DPF3: variants seen among roughly 807,000 people sequenced by gnomAD.
The protein encoded by DPF3 is zinc finger protein DPF3.
In DPF3, 18 loss-of-function variants were observed where a neutral mutation model predicts 56.8. The ratio of observed to expected loss-of-function variants is 0.32; its 90% CI spans 0.22 to 0.47. The LOEUF (loss-of-function observed/expected upper bound fraction) is 0.47, where lower values mean the gene tolerates loss of function less well. DPF3 is among the 20% of genes least tolerant of loss of function. The pLI is 1.00. For missense variants in DPF3, 403 were observed against 488.8 expected, an observed-to-expected ratio of 0.82 and a Z score of 1.65; for synonymous variants, 188 against 180.2, an observed-to-expected ratio of 1.04 and a Z score of -0.35.
At chr14:72,861,035 AC>A (rs1885380383) in intron 1 of DPF3, among the ~76,000 whole-genome samples, 1 of 7,918 alleles carries the variant, frequency 1.3e-4, no homozygotes, top group African/African-American at 9.1e-4. Flanking sequence ...ATACACACAC[AC>A]ACACACACAC....
chr14:72,881,586 A>T (rs1422008895), intron 1 of DPF3, among the ~76,000 whole-genome samples: 1 of 152,242 alleles, frequency 6.6e-6, no homozygotes, highest in Non-Finnish European at 1.5e-5. Context: ...GTGATTCAGG[A>T]AGAACAAATG....
chr14:72,633,934 G>C (rs151017472), intron 8 of DPF3, among the ~76,000 whole-genome samples: 1 of 152,342 alleles, frequency 6.6e-6, no homozygotes, highest in East Asian at 1.9e-4. Flanking sequence ...ATGGTAGCAA[G>C]TGGGTTTTGG....
chr14:72,767,771 AAAAAAAAAC>A (rs1247250021), intron 2 of DPF3, among the ~76,000 whole-genome samples: 2 of 150,376 alleles, frequency 1.3e-5, no homozygotes, highest in East Asian at 1.9e-4. Flanking sequence ...AAAAAAAAAA[AAAAAAAAAC>A]CCCATAAACC....
At chr14:72,743,625 AAAAG>A (rs1438181090) in intron 3 of DPF3, among the ~76,000 whole-genome samples, 6 of 151,966 alleles carry the variant, frequency 3.9e-5, no homozygotes, top group African/African-American at 1.2e-4. Context: ...AAGGAAAAGA[AAAAG>A]AAAGAAAGTG....
At chr14:72,704,505 C>T (rs575882961) in intron 6 of DPF3, among the ~76,000 whole-genome samples, 2 of 152,232 alleles carry the variant, frequency 1.3e-5, no homozygotes, top group East Asian at 3.9e-4. Context: ...GAGTTCCAGG[C>T]TATCCAGTGT....
rs1447058652 is a variant in DPF3, at chr14:72,610,175, T to C, written c.*9122A>G. ...TGGAAGAAGCAATCCCAGGTTTGCT[T>C]CGTATCTGCAGGTCTAGAGACATCA... On this transcript the variant is annotated 3_prime_UTR_variant, in exon 11 of 11. Transcript: ENST00000556509. 6.6e-6 allele frequency among the ~76,000 whole-genome samples: 1 copy of C among 152,162 alleles called. No individual in the cohort carries two copies. The highest frequency in any genetic ancestry group is 1.5e-5 in the Non-Finnish European group (1 of 68,020).
chr14:72,877,520 T>C (rs1947008707), intron 1 of DPF3, among the ~76,000 whole-genome samples: 1 of 152,162 alleles, frequency 6.6e-6, no homozygotes, highest in Admixed American at 6.5e-5. Flanking sequence ...ACTGATAGTA[T>C]TGGGTCCTCT....
chr14:72,840,258 T>C (rs12882355), intron 1 of DPF3, among the ~76,000 whole-genome samples: 27,308 of 152,196 alleles, frequency 0.18, 3,007 homozygotes, highest in East Asian at 0.41. Context: ...AACTGACCCA[T>C]GTGGGGCTCA....
intron 9 of DPF3, among the ~76,000 whole-genome samples, chr14:72,621,347 T>C (rs1274805539): frequency 3.3e-5 from 5 of 150,846 alleles, no homozygotes; most frequent in African/African-American, 9.9e-5. Flanking sequence ...CCCCACCCCC[T>C]AGTTTCAGCT....
intron 1 of DPF3, among the ~76,000 whole-genome samples, chr14:72,817,489 C>T (rs1883340193): frequency 6.6e-6 from 1 of 151,990 alleles, no homozygotes; most frequent in Non-Finnish European, 1.5e-5. Context: ...GGCAAAACCC[C>T]GTCTCAACTA....
chr14:72,738,893 CTT>C (rs1890012549), intron 3 of DPF3, among the ~76,000 whole-genome samples: 1 of 152,032 alleles, frequency 6.6e-6, no homozygotes, highest in Non-Finnish European at 1.5e-5. Flanking sequence ...ATATATATAA[CTT>C]TTATTTGTCA....
chr14:72,644,297 T>C (rs748900015), intron 8 of DPF3, among the ~76,000 whole-genome samples: 1 of 152,188 alleles, frequency 6.6e-6, no homozygotes, highest in Non-Finnish European at 1.5e-5. Context: ...CAGCACCGGG[T>C]CTGCACTCCT....
intron 6 of DPF3, among the ~76,000 whole-genome samples, chr14:72,708,060 AAC>A (rs1469127642): frequency 1.3e-5 from 2 of 152,190 alleles, no homozygotes; most frequent in African/African-American, 4.8e-5. Flanking sequence ...TGCATCAAGA[AAC>A]AGTTAGTGGA....
At chr14:72,840,841 T>C (rs1313694473) in intron 1 of DPF3, among the ~76,000 whole-genome samples, 1 of 152,212 alleles carries the variant, frequency 6.6e-6, no homozygotes, top group Admixed American at 6.5e-5. Context: ...GGTCCCAGGA[T>C]GTGAGGGTCA....
At chr14:72,869,502 GC>G (rs1481965241) in intron 1 of DPF3, among the ~76,000 whole-genome samples, 1 of 152,100 alleles carries the variant, frequency 6.6e-6, no homozygotes, top group Non-Finnish European at 1.5e-5. Context: ...CAAATGACAG[GC>G]CAGTGTGAGA....
At chr14:72,798,860 G>A (rs547375211) in intron 1 of DPF3, among the ~76,000 whole-genome samples, 1 of 152,232 alleles carries the variant, frequency 6.6e-6, no homozygotes, top group African/African-American at 2.4e-5. Context: ...GCAGAACCAG[G>A]TTGGAAGTTC....
At chr14:72,670,566 T>C (rs1886626010) in intron 8 of DPF3, 2 of 987,450 alleles carry the variant, frequency 2.0e-6, no homozygotes, top group African/African-American at 1.7e-5. Context: ...CCGTCTCCCA[T>C]TGAGGAAATT....
chr14:72,821,537 T>C (rs1470908711), intron 1 of DPF3, among the ~76,000 whole-genome samples: 2 of 152,228 alleles, frequency 1.3e-5, no homozygotes, highest in African/African-American at 2.4e-5. Context: ...CTATCGAATA[T>C]TGTCCATGGT....
At chr14:72,774,710 G>T (rs75669879) in intron 1 of DPF3, among the ~76,000 whole-genome samples, 1 of 152,022 alleles carries the variant, frequency 6.6e-6, no homozygotes, top group Non-Finnish European at 1.5e-5. Flanking sequence ...GGCATAATAC[G>T]CTCAGAAAGT....
Sources: gnomAD v4.1 joint callset for allele counts (sites outside exome capture counted in the v4.1 genomes callset) on GRCh38, gnomAD v4.1.1 for gene constraint, MANE v1.5 for transcripts, NCBI Gene and HGNC (gene_info 2026-07-23, HGNC 2026-07-21) for gene names.